STX8: variants seen among roughly 807,000 people sequenced by gnomAD.
The protein encoded by STX8 is syntaxin-8.
A neutral mutation model predicts 37.5 loss-of-function variants in STX8; 23 were observed. The observed-to-expected ratio is 0.61, with a 90% CI of 0.44 to 0.87. The LOEUF is 0.87. STX8 is among the 40% of genes least tolerant of loss of function. The probability of loss-of-function intolerance (pLI) is 0.00; values close to 1 mark genes in which losing one functional copy is unlikely to be tolerated. For missense variants in STX8, 313 were observed against 284.7 expected (o/e 1.10, Z -0.71); for synonymous variants, 115 against 99.1 (o/e 1.16, Z -0.95).
intron 6 of STX8, among the ~76,000 whole-genome samples, chr17:9,421,192 A>T (rs1913412760): frequency 6.6e-6 from 1 of 151,908 alleles, no homozygotes; most frequent in East Asian, 1.9e-4. Flanking sequence ...CGGGTGTTTG[A>T]GACCAGCCTG....
chr17:9,366,783 G>C (rs993033264), intron 7 of STX8, among the ~76,000 whole-genome samples: 1 of 152,100 alleles, frequency 6.6e-6, no homozygotes. Flanking sequence ...CATGAGGTCA[G>C]GGACCAGGAC....
chr17:9,502,109 T>C (rs1271007330), intron 5 of STX8, among the ~76,000 whole-genome samples: 2 of 152,224 alleles, frequency 1.3e-5, no homozygotes, highest in Admixed American at 6.6e-5. Flanking sequence ...GGTGGGGATG[T>C]AAATTTACTG....
At chr17:9,254,547 CACT>C (rs997708417) in intron 7 of STX8, among the ~76,000 whole-genome samples, 6 of 152,132 alleles carry the variant, frequency 3.9e-5, no homozygotes, top group Non-Finnish European at 8.8e-5. Context: ...AGGTGCCCAC[CACT>C]ATGCCCGGCT....
At position 9,506,407 on chromosome 17, in the gene STX8, T is replaced by TCCCCCCCCCCCCCCC. The variant is rs57490676; in HGVS notation, c.324-1246_324-1245insGGGGGGGGGGGGGGG. Among the ~76,000 whole-genome samples the TCCCCCCCCCCCCCCC allele has an allele frequency of 5.8e-4, 23 of 39,358 alleles. 1 individual carries two copies. The highest frequency in any genetic ancestry group is 1.0e-3 in the South Asian group (1 of 976). The allele number at this position is 39,358 out of a possible 152,430, so 25.8% of individuals were successfully genotyped here. Reference sequence around the variant, plus strand: ...TTAGAGTCAGCTGGTGCTCACCCGCTCCCCCCCCCCCCCACCCACCTTTCT... The same window carrying TCCCCCCCCCCCCCCC: ...TTAGAGTCAGCTGGTGCTCACCCGCTCCCCCCCCCCCCCCCCCCCCCCCCCCCCACCCACCTTTCT... On this transcript the variant is annotated intron_variant, in intron 4 of 7. Coordinates refer to ENST00000306357, the MANE Select transcript of STX8 (RefSeq NM_004853.3).
At chr17:9,500,073 T>C (rs6503216) in intron 5 of STX8, among the ~76,000 whole-genome samples, 108,580 of 152,090 alleles carry the variant, frequency 0.71, 39,021 homozygotes, top group Middle Eastern at 0.85. Flanking sequence ...AGCTGTGTTG[T>C]TTTTCATTTT....
chr17:9,570,241 T>C (rs1326754285), intron 1 of STX8, among the ~76,000 whole-genome samples: 5 of 152,000 alleles, frequency 3.3e-5, no homozygotes, highest in Admixed American at 3.3e-4. Flanking sequence ...GCCCATCAAT[T>C]CCCTTAGGAA....
At chr17:9,542,085 G>A (rs960802450) in intron 4 of STX8, among the ~76,000 whole-genome samples, 2 of 151,896 alleles carry the variant, frequency 1.3e-5, no homozygotes, top group South Asian at 2.1e-4. Context: ...CAGGCCAGGT[G>A]TAGTGGCTCA....
At chr17:9,503,105 C>CAAAAAAAA (rs61437085) in intron 5 of STX8, among the ~76,000 whole-genome samples, 2 of 58,570 alleles carry the variant, frequency 3.4e-5, no homozygotes, top group African/African-American at 1.5e-4. Context: ...GACTCTGTCT[C>CAAAAAAAA]AAAAAAAAAA....
intron 7 of STX8, among the ~76,000 whole-genome samples, chr17:9,363,796 T>C (rs1053156534): frequency 5.9e-5 from 9 of 152,186 alleles, no homozygotes; most frequent in African/African-American, 1.9e-4. Context: ...CCCTTGATGA[T>C]TGCAAAAATC....
chr17:9,502,577 T>C (rs1036166392), intron 5 of STX8, among the ~76,000 whole-genome samples: 5 of 152,156 alleles, frequency 3.3e-5, no homozygotes, highest in African/African-American at 1.2e-4. Context: ...TTAAAAATTG[T>C]TTTAAATTTA....
rs1255514282 is a variant in STX8 at position 9,429,785 on chromosome 17, T to A, written c.542-51132A>T. Among the ~76,000 whole-genome samples, 13 of 27,484 alleles carry A rather than the reference T, an allele frequency of 4.7e-4. 1 individual carries two copies. Among genetic ancestry groups the A allele is most frequent in the East Asian group, 3.9e-3 (6 of 1,546 alleles). 18.0% of individuals were successfully genotyped at this position (27,484 alleles called of 152,430 possible). A position where few individuals can be genotyped will look rare whatever the true frequency, so the allele number is the denominator to read the frequency against. On this transcript the variant is annotated intron_variant, in intron 6 of 7. Transcript: ENST00000306357. Reference sequence around the variant, plus strand: ...ATATATTATATATAACATATATATTTTATATATTATATATAACATATATAT... The same window carrying A: ...ATATATTATATATAACATATATATTATATATATTATATATAACATATATAT...
intron 6 of STX8, among the ~76,000 whole-genome samples, chr17:9,456,131 C>G (rs1905179795): frequency 6.6e-6 from 1 of 152,162 alleles, no homozygotes; most frequent in Non-Finnish European, 1.5e-5. Flanking sequence ...AAGGCCCTCA[C>G]TAGATGGGTA....
chr17:9,353,926 T>TAA (rs66922110), intron 7 of STX8, among the ~76,000 whole-genome samples: 13,626 of 152,170 alleles, frequency 0.09, 752 homozygotes, highest in Middle Eastern at 0.18. Context: ...CAAGTAATCC[T>TAA]AAAAAAAGGT....
intron 4 of STX8, among the ~76,000 whole-genome samples, chr17:9,516,490 C>A (rs1905165533): frequency 6.6e-6 from 1 of 151,586 alleles, no homozygotes; most frequent in South Asian, 2.1e-4. Flanking sequence ...AACTGTCTAA[C>A]TCCACTTCTC....
chr17:9,417,637 A>C (rs1307870674), intron 6 of STX8, among the ~76,000 whole-genome samples: 2 of 152,166 alleles, frequency 1.3e-5, no homozygotes, highest in Non-Finnish European at 2.9e-5. Flanking sequence ...AGATAGCTTC[A>C]GGATGGGGAC....
At chr17:9,519,200 C>A (rs899538492) in intron 4 of STX8, among the ~76,000 whole-genome samples, 3 of 152,182 alleles carry the variant, frequency 2.0e-5, no homozygotes, top group Non-Finnish European at 2.9e-5. Context: ...GGTTCTTTAT[C>A]TGCATTTGTG....
Position 9,327,114 on chromosome 17 carries a change from G to A in STX8, c.643+51438C>T, listed in dbSNP as rs1295534568. ...GGAGGTTGCAGTGAGCCGAGATCAC[G>A]CCATTGCACTCCAGCCTGGGCAACA... On this transcript the variant is annotated intron_variant, in intron 7 of 7. Coordinates refer to ENST00000306357, the MANE Select transcript of STX8 (RefSeq NM_004853.3). 3.3e-5 allele frequency among the ~76,000 whole-genome samples: 5 copies of A among 150,620 alleles called. No homozygotes were observed. The East Asian group carries it at 5.9e-4, about 18-fold the overall frequency.
intron 7 of STX8, among the ~76,000 whole-genome samples, chr17:9,269,666 G>A: frequency 6.6e-6 from 1 of 152,210 alleles, no homozygotes; most frequent in East Asian, 1.9e-4. Flanking sequence ...GTCTGTCAGA[G>A]ATTTCAGAAG....
intron 6 of STX8, among the ~76,000 whole-genome samples, chr17:9,479,538 T>A (rs1172023348): frequency 6.7e-6 from 1 of 149,252 alleles, no homozygotes; most frequent in Non-Finnish European, 1.5e-5. Flanking sequence ...AAAGTATGCA[T>A]AATATACATG....
Sources: gnomAD v4.1 joint callset for allele counts (sites outside exome capture counted in the v4.1 genomes callset) on GRCh38, gnomAD v4.1.1 for gene constraint, MANE v1.5 for transcripts, NCBI Gene and HGNC (gene_info 2026-07-23, HGNC 2026-07-21) for gene names.